The following CYP4Z1 variants were observed in gnomAD, a reference collection of about 807,000 sequenced individuals.
The protein encoded by CYP4Z1 is cytochrome P450 4Z1.
Under a neutral mutation model 54.2 loss-of-function variants are expected in CYP4Z1, and 41 were observed. The observed-to-expected ratio is 0.76, with a 90% CI of 0.59 to 0.98. The LOEUF is 0.98. CYP4Z1 is among the 50% of genes least tolerant of loss of function. CYP4Z1 has a pLI of 0.00. For missense variants in CYP4Z1, 513 were observed against 599.0 expected (o/e 0.86, Z 1.50); for synonymous variants, 163 against 206.2 (o/e 0.79, Z 1.79).
At chr1:47,114,290 T>C (rs1644813892) in intron 9 of CYP4Z1, among the ~76,000 whole-genome samples, 1 of 152,160 alleles carries the variant, frequency 6.6e-6, no homozygotes, top group African/African-American at 2.4e-5. Context: ...ATACAAAAAT[T>C]AATTCAAGAT....
chr1:47,088,408 C>G (rs1027987994), intron 6 of CYP4Z1, among the ~76,000 whole-genome samples: 22 of 152,102 alleles, frequency 1.4e-4, no homozygotes, highest in African/African-American at 5.3e-4. Context: ...TCAACTTCTT[C>G]CTGGTTTAGT....
chr1:47,088,360 C>T (rs962663138), intron 6 of CYP4Z1, among the ~76,000 whole-genome samples: 11 of 152,170 alleles, frequency 7.2e-5, no homozygotes, highest in African/African-American at 2.2e-4. Context: ...TTAATTATTG[C>T]CTCAATTTCA....
Position 47,118,104 on chromosome 1 carries a change from T to C in CYP4Z1, c.*170T>C. Reference sequence around the variant, plus strand: ...TTAACAGTAATTTTAATTTCTTTGCTGTATCTGGTGAAACCCACAAAAACA... The same window carrying C: ...TTAACAGTAATTTTAATTTCTTTGCCGTATCTGGTGAAACCCACAAAAACA... On this transcript the variant is annotated 3_prime_UTR_variant, in exon 12 of 12. Transcript: ENST00000334194. 1 of 705,466 alleles carries C rather than the reference T, an allele frequency of 1.4e-6. No homozygotes were observed. The highest frequency in any genetic ancestry group is 2.1e-6 in the Non-Finnish European group (1 of 472,510). The allele number at this position is 705,466 out of a possible 1,614,324, so 43.7% of individuals were successfully genotyped here.
intron 6 of CYP4Z1, among the ~76,000 whole-genome samples, chr1:47,092,941 G>GA (rs1266634402): frequency 1.4e-5 from 2 of 139,528 alleles, no homozygotes; most frequent in Admixed American, 1.5e-4. Context: ...CAAATAAGGG[G>GA]AATCCTCAGA....
chr1:47,067,740 G>T, intron 1 of CYP4Z1, 73 bp downstream of exon 1: 1 of 1,386,848 alleles, frequency 7.2e-7, no homozygotes, highest in Non-Finnish European at 9.7e-7. Context: ...AGCACAGACT[G>T]GTGGGGCATT....
the CYP4Z1 span, among the ~76,000 whole-genome samples, chr1:47,056,911 C>A: frequency 6.6e-6 from 1 of 152,114 alleles, no homozygotes; most frequent in African/African-American, 2.4e-5. Flanking sequence ...AGCATTTAGC[C>A]CATTTACATT....
intron 9 of CYP4Z1, among the ~76,000 whole-genome samples, chr1:47,114,524 G>A (rs919935770): frequency 3.3e-4 from 50 of 152,068 alleles, no homozygotes; most frequent in African/African-American, 1.1e-3. Context: ...CAGAATGGGA[G>A]AAAATTTTTG....
At position 47,113,625 on chromosome 1, in the gene CYP4Z1, A is replaced by G. The variant is rs116357818; in HGVS notation, c.1202-1904A>G. On this transcript the variant is annotated intron_variant, in intron 9 of 11. Coordinates refer to ENST00000334194, the MANE Select transcript of CYP4Z1 (RefSeq NM_178134.3). Reference sequence around the variant, plus strand: ...AATCTTTGCTCGTATTTTATTGAGGATCACAAGCATTCTTATACACCAATA... The same window carrying G: ...AATCTTTGCTCGTATTTTATTGAGGGTCACAAGCATTCTTATACACCAATA... Among the ~76,000 whole-genome samples, 624 of 152,326 alleles carry G rather than the reference A, an allele frequency of 4.1e-3. 3 individuals are homozygous for G. Among genetic ancestry groups the G allele is most frequent in the African/African-American group, 0.014 (584 of 41,578 alleles).
chr1:47,079,573 A>G (rs1644549174), intron 2 of CYP4Z1, among the ~76,000 whole-genome samples: 1 of 152,258 alleles, frequency 6.6e-6, no homozygotes, highest in East Asian at 1.9e-4. Context: ...TTTTGGAAAC[A>G]TCCTTAACAA....
At chr1:47,062,919 G>T (rs1343075945), upstream of CYP4Z1, among the ~76,000 whole-genome samples, 3 of 152,114 alleles carry the variant, frequency 2.0e-5, no homozygotes, top group East Asian at 3.9e-4. Context: ...TTCCTGGCTG[G>T]AGGCCAACCA....
chr1:47,055,905 A>G, the CYP4Z1 span, among the ~76,000 whole-genome samples: 2 of 151,288 alleles, frequency 1.3e-5, no homozygotes, highest in East Asian at 3.9e-4. Flanking sequence ...AGGGTTTTTT[A>G]TGTCTCTATT....
intron 7 of CYP4Z1, among the ~76,000 whole-genome samples, chr1:47,097,663 C>T (rs1232101078): frequency 1.3e-5 from 2 of 151,992 alleles, no homozygotes; most frequent in Non-Finnish European, 2.9e-5. Flanking sequence ...TTCCATTGGT[C>T]TCTGTGTCTG....
rs766985096 is a variant in CYP4Z1 at position 47,068,636 on chromosome 1, G to A, written c.192G>A (p.Lys64=). The A allele has an allele frequency of 2.2e-5, 35 of 1,614,006 alleles. No individual in the cohort carries two copies. In the South Asian group the frequency reaches 3.0e-4, roughly 14 times the overall value. The change falls in exon 2 of 12, where the codon AAG becomes AAA. Residue 64 remains lysine (K), a synonymous_variant. Coordinates refer to ENST00000334194, the MANE Select transcript of CYP4Z1 (RefSeq NM_178134.3). ...FYGHKEFYPV[K]EFEVYHKLME... ...TCTTATGACAGTTTTACCCAGTAAA[G>A]GAGTTTGAGGTGTATCATAAGCTGA... is the stretch of plus-strand genomic sequence containing the variant.
the CYP4Z1 span, among the ~76,000 whole-genome samples, chr1:47,056,484 T>G: frequency 1.3e-5 from 2 of 152,166 alleles, no homozygotes; most frequent in Non-Finnish European, 2.9e-5. Flanking sequence ...TTGTTAACTT[T>G]CTGTCTCATT....
In CYP4Z1 at chr1:47,106,234, T is replaced by C. The variant is rs758756410; in HGVS notation, c.1174T>C (p.Phe392Leu). The C allele has an allele frequency of 1.1e-5, 17 of 1,611,710 alleles. No individual in the cohort carries two copies. The stretch of plus-strand genomic sequence containing the variant: ...CCGGTTACTCGACAAACCCATCACC[T>C]TTCCAGATGGACGCTCCTTACCTGC... ...ISRLLDKPIT[F>L]PDGRSLPAGI... The change falls in exon 9 of 12, where the codon TTT becomes CTT. Residue 392 changes from phenylalanine to leucine, a missense_variant. Transcript: ENST00000334194.
intron 9 of CYP4Z1, 68 bp from the exon 10 acceptor site, chr1:47,115,460 TA>T (rs1644822990): frequency 4.9e-6 from 7 of 1,430,586 alleles, no homozygotes; most frequent in Admixed American, 4.1e-5. Context: ...AAAAAAAAAG[TA>T]AAAGAGAAAA....
intron 1 of CYP4Z1, among the ~76,000 whole-genome samples, chr1:47,068,387 T>C (rs766835421): frequency 2.0e-5 from 3 of 152,086 alleles, no homozygotes; most frequent in Non-Finnish European, 4.4e-5. Context: ...AAGTTGACGC[T>C]GGAGTGAGAA....
upstream of CYP4Z1, among the ~76,000 whole-genome samples, chr1:47,066,972 T>C (rs1338754592): frequency 6.6e-6 from 1 of 152,124 alleles, no homozygotes; most frequent in African/African-American, 2.4e-5. Context: ...ACAAGTGTTA[T>C]ACTCTGGTGG....
chr1:47,061,847 C>A, the CYP4Z1 span, among the ~76,000 whole-genome samples: 1 of 152,206 alleles, frequency 6.6e-6, no homozygotes, highest in South Asian at 2.1e-4. Context: ...CTCAAGTAGG[C>A]TTCATCCCTA....
Sources: gnomAD v4.1 joint callset for allele counts (sites outside exome capture counted in the v4.1 genomes callset) on GRCh38, gnomAD v4.1.1 for gene constraint, MANE v1.5 for transcripts, NCBI Gene and HGNC (gene_info 2026-07-23, HGNC 2026-07-21) for gene names.